The following GABRA2 variants were observed in gnomAD, a reference collection of about 807,000 sequenced individuals.
GABRA2 encodes the protein gamma-aminobutyric acid receptor subunit alpha-2.
Under a neutral mutation model 48.7 loss-of-function variants are expected in GABRA2, and 16 were observed. The ratio of observed to expected loss-of-function variants is 0.33; its 90% CI spans 0.22 to 0.50. The LOEUF (loss-of-function observed/expected upper bound fraction) is 0.50. Ranked by LOEUF, GABRA2 falls within the 20% of genes least tolerant of loss-of-function variation. The probability of loss-of-function intolerance (pLI) is 0.98; values close to 1 mark genes in which losing one functional copy is unlikely to be tolerated. For synonymous variants in GABRA2, 185 were observed against 184.5 expected, an observed-to-expected ratio of 1.00 and a Z score of -0.02; for missense variants, 275 against 535.6, an observed-to-expected ratio of 0.51 and a Z score of 4.80.
intron 3 of GABRA2, among the ~76,000 whole-genome samples, chr4:46,355,099 C>A (rs929009843): frequency 1.3e-5 from 2 of 152,072 alleles, no homozygotes; most frequent in African/African-American, 2.4e-5. Flanking sequence ...CCTCCACCCA[C>A]GTCAACACTT....
intron 3 of GABRA2, chr4:46,367,781 C>T (rs1039324927): frequency 3.9e-5 from 6 of 152,130 alleles, no homozygotes; most frequent in Admixed American, 6.6e-5. Context: ...TATAATCAGT[C>T]ACTATGGAAG....
chr4:46,390,104 G>T lies in GABRA2; in HGVS notation c.-380C>A. ...GGGCGGAGGCGCGGTGCGCGCCGGCGGTGGCGGGCACGAGCCCCGCGCCTG... is the reference window on the plus strand; with the variant it reads ...GGGCGGAGGCGCGGTGCGCGCCGGCTGTGGCGGGCACGAGCCCCGCGCCTG... On this transcript the variant is annotated 5_prime_UTR_variant, in exon 1 of 10. Coordinates refer to ENST00000381620, the MANE Select transcript of GABRA2 (RefSeq NM_000807.4). 4 of 974,708 alleles carry T rather than the reference G, an allele frequency of 4.1e-6. No homozygotes were observed. The highest frequency in any genetic ancestry group is 1.8e-5 in the African/African-American group (1 of 56,910). 60.4% of individuals were successfully genotyped at this position (974,708 alleles called of 1,614,324 possible).
chr4:46,377,361 G>A (rs902393227), intron 3 of GABRA2, among the ~76,000 whole-genome samples: 1 of 151,626 alleles, frequency 6.6e-6, no homozygotes, highest in Non-Finnish European at 1.5e-5. Context: ...CATCGTCTGA[G>A]ATGTGGGGAG....
rs56201706 is a variant in GABRA2, at chr4:46,297,476, CATATAT to C, written c.856+5978_856+5983del. Among the ~76,000 whole-genome samples, 607 of 87,828 alleles carry C rather than the reference CATATAT, an allele frequency of 6.9e-3. 42 individuals are homozygous for C. Among genetic ancestry groups the C allele is most frequent in the African/African-American group, 0.026 (533 of 20,338 alleles). The allele number at this position is 87,828 out of a possible 152,430, so 57.6% of individuals were successfully genotyped here. On this transcript the variant is annotated intron_variant, in intron 8 of 9. Transcript: ENST00000381620. Reference sequence around the variant, plus strand: ...GAGTTAATACTACTTAATAAAATCCCATATATATATATATATATATATATATATATA... The same window carrying C: ...GAGTTAATACTACTTAATAAAATCCCATATATATATATATATATATATATA...
intron 3 of GABRA2, among the ~76,000 whole-genome samples, chr4:46,378,681 G>T (rs1716326631): frequency 6.6e-6 from 1 of 151,880 alleles, no homozygotes; most frequent in Non-Finnish European, 1.5e-5. Flanking sequence ...TTAAAAATTA[G>T]CTGGGTGTGG....
intron 8 of GABRA2, among the ~76,000 whole-genome samples, chr4:46,299,272 G>A (rs1725302667): frequency 1.3e-5 from 2 of 151,580 alleles, no homozygotes; most frequent in Admixed American, 1.3e-4. Context: ...AATTTATATA[G>A]GTGCGTACAC....
chr4:46,321,896 A>G (rs1457666830), intron 4 of GABRA2, among the ~76,000 whole-genome samples: 3 of 152,018 alleles, frequency 2.0e-5, no homozygotes, highest in African/African-American at 7.2e-5. Context: ...GATACCACAA[A>G]GAATGCCATT....
intron 3 of GABRA2, among the ~76,000 whole-genome samples, chr4:46,372,809 G>A (rs1715101823): frequency 6.6e-6 from 1 of 151,336 alleles, no homozygotes; most frequent in South Asian, 2.1e-4. Context: ...ACAGAAGTAT[G>A]TAAAGTGTTA....
chr4:46,256,394 G>T, intron 9 of GABRA2: 1 of 561,938 alleles, frequency 1.8e-6, no homozygotes, highest in Non-Finnish European at 3.2e-6. Flanking sequence ...ACATCAATAT[G>T]AAATCCATTA....
chr4:46,344,036 T>G (rs1014804437), intron 3 of GABRA2, among the ~76,000 whole-genome samples: 2 of 151,992 alleles, frequency 1.3e-5, no homozygotes, highest in African/African-American at 4.8e-5. Context: ...TGTTCCATGA[T>G]GCTAGCTATT....
chr4:46,350,265 C>T (rs1734899106), intron 3 of GABRA2, among the ~76,000 whole-genome samples: 2 of 151,798 alleles, frequency 1.3e-5, no homozygotes, highest in Non-Finnish European at 2.9e-5. Context: ...TGAGTAGTCC[C>T]AGTATAGTCA....
chr4:46,382,060 T>G (rs1238287238), intron 3 of GABRA2, among the ~76,000 whole-genome samples: 1 of 152,090 alleles, frequency 6.6e-6, no homozygotes, highest in Non-Finnish European at 1.5e-5. Flanking sequence ...GATAGATATA[T>G]CAGTGAATCA....
At chr4:46,341,745 C>T (rs1230756836) in intron 3 of GABRA2, among the ~76,000 whole-genome samples, 1 of 152,026 alleles carries the variant, frequency 6.6e-6, no homozygotes, top group Non-Finnish European at 1.5e-5. Context: ...TCAGGCAATT[C>T]TGCAAGGCTT....
intron 8 of GABRA2, among the ~76,000 whole-genome samples, chr4:46,265,399 A>G (rs1157884808): frequency 1.5e-5 from 2 of 129,692 alleles, no homozygotes; most frequent in Non-Finnish European, 3.1e-5. Context: ...TATATATAAT[A>G]TATTGTGTAT....
At chr4:46,368,012 A>T (rs774882819) in intron 3 of GABRA2, 7 of 152,140 alleles carry the variant, frequency 4.6e-5, no homozygotes, top group Non-Finnish European at 1.0e-4. Context: ...GACAGTGTAC[A>T]CCTAGCCACA....
chr4:46,348,707 T>G (rs949454177), intron 3 of GABRA2, among the ~76,000 whole-genome samples: 1 of 135,000 alleles, frequency 7.4e-6, no homozygotes. Context: ...TTCTCACTCA[T>G]AGGTGGGAAT....
At position 46,248,255 on chromosome 4, in the gene GABRA2, A is replaced by T. The variant is rs1714077304; in HGVS notation, c.*2053T>A. ...AATGCATACCATATAGAGCAATTTC[A>T]TTGCTTGCCTTCTGGCATTGTGTAC... On this transcript the variant is annotated 3_prime_UTR_variant, in exon 10 of 10. Coordinates refer to ENST00000381620, the MANE Select transcript of GABRA2 (RefSeq NM_000807.4). Among the ~76,000 whole-genome samples the T allele has an allele frequency of 6.6e-6, 1 of 151,364 alleles. No individual in the cohort carries two copies. The highest frequency in any genetic ancestry group is 6.6e-5 in the Admixed American group (1 of 15,112).
At chr4:46,365,561 C>A (rs1453382203) in intron 3 of GABRA2, 1 of 152,104 alleles carries the variant, frequency 6.6e-6, no homozygotes, top group African/African-American at 2.4e-5. Context: ...CTAATGAACA[C>A]CCAACATATG....
intron 3 of GABRA2, among the ~76,000 whole-genome samples, chr4:46,371,125 A>G (rs1356625775): frequency 1.3e-5 from 2 of 152,132 alleles, no homozygotes; most frequent in Non-Finnish European, 2.9e-5. Context: ...AAATCCTCTG[A>G]TCAAATTAAA....
Sources: gnomAD v4.1 joint callset for allele counts (sites outside exome capture counted in the v4.1 genomes callset) on GRCh38, gnomAD v4.1.1 for gene constraint, MANE v1.5 for transcripts, NCBI Gene and HGNC (gene_info 2026-07-23, HGNC 2026-07-21) for gene names.